The following CGNL1 variants were observed in gnomAD, a reference collection of about 807,000 sequenced individuals.
CGNL1 encodes the protein cingulin like 1.
CGNL1 carries 132 observed loss-of-function variants against 141.2 expected under a neutral mutation model. That is an observed-to-expected ratio of 0.93 (90% CI 0.81 to 1.08). CGNL1 has a LOEUF of 1.08. Ranked by LOEUF, CGNL1 falls within the 50% of genes least tolerant of loss-of-function variation. The pLI, the probability that CGNL1 is intolerant of heterozygous loss-of-function variation, is 0.00. For synonymous variants in CGNL1, 690 were observed against 622.1 expected (o/e 1.11, Z -1.63); for missense variants, 1,870 against 1,588.6 (o/e 1.18, Z -3.01).
intron 1 of CGNL1, chr15:57,397,229 C>G (rs554496871): frequency 6.6e-6 from 1 of 152,370 alleles, no homozygotes; most frequent in Admixed American, 6.5e-5. Flanking sequence ...TCAAAGAGCC[C>G]TGGAGTCCAT....
intron 4 of CGNL1, among the ~76,000 whole-genome samples, chr15:57,446,700 C>T (rs1386252525): frequency 1.4e-5 from 2 of 140,720 alleles, no homozygotes; most frequent in Admixed American, 7.2e-5. Flanking sequence ...CACACTCACT[C>T]ATTTCTCTTG....
chr15:57,381,213 C>T (rs1179073616), intron 1 of CGNL1, among the ~76,000 whole-genome samples: 1 of 152,150 alleles, frequency 6.6e-6, no homozygotes. Context: ...GCAGTGACCT[C>T]ATTTTACATA....
chr15:57,440,343 T>C lies in CGNL1; in HGVS notation c.1603-34T>C, dbSNP rs2063170548. 5.3e-6 allele frequency: 8 copies of C among 1,522,446 alleles called. No homozygotes were observed. In the African/African-American group the frequency reaches 9.6e-5, roughly 18 times the overall value. 94.3% of individuals were successfully genotyped at this position (1,522,446 alleles called of 1,614,324 possible). ...TGTTTGGAAGCCTCTGGGAACTTCATCCTCATGGTCTAACAACAGGCCTTA... is the reference window on the plus strand; with the variant it reads ...TGTTTGGAAGCCTCTGGGAACTTCACCCTCATGGTCTAACAACAGGCCTTA... On this transcript the variant is annotated intron_variant, in intron 2 of 18. Transcript: ENST00000281282.
intron 1 of CGNL1, among the ~76,000 whole-genome samples, chr15:57,403,261 T>C (rs1025268043): frequency 2.6e-5 from 4 of 151,514 alleles, no homozygotes; most frequent in African/African-American, 9.8e-5. Flanking sequence ...ACGCCCCTCT[T>C]TGGGGCCCAG....
intron 12 of CGNL1, 109 bp from the exon 13 acceptor site, chr15:57,528,545 G>C (rs1342520903): frequency 9.3e-7 from 1 of 1,077,016 alleles, no homozygotes; most frequent in Admixed American, 2.1e-5. Flanking sequence ...CCATATTGTG[G>C]GAGTCCAGCT....
At chr15:57,400,240 G>A (rs1030398112) in intron 1 of CGNL1, among the ~76,000 whole-genome samples, 39 of 152,064 alleles carry the variant, frequency 2.6e-4, no homozygotes, top group African/African-American at 9.2e-4. Flanking sequence ...CCTCAGGCCC[G>A]CCTCGGCCTC....
In CGNL1 at chr15:57,549,669, G is replaced by A. The variant is rs745538377; in HGVS notation, c.*2179G>A. On this transcript the variant is annotated 3_prime_UTR_variant, in exon 19 of 19. Coordinates refer to ENST00000281282, the MANE Select transcript of CGNL1 (RefSeq NM_032866.5). Reference sequence around the variant, plus strand: ...AGTCCTTGGCACACAGAATACAGCAGTGAATTAAACAGGCAAAAATTCCTC... The same window carrying A: ...AGTCCTTGGCACACAGAATACAGCAATGAATTAAACAGGCAAAAATTCCTC... 21 of 152,188 alleles carry A rather than the reference G, an allele frequency of 1.4e-4. No individual in the cohort carries two copies. The highest frequency in any genetic ancestry group is 2.4e-4 in the Non-Finnish European group (16 of 68,040). The allele number at this position is 152,188 out of a possible 1,614,324, so 9.4% of individuals were successfully genotyped here. A position where few individuals can be genotyped will look rare whatever the true frequency, so the allele number is the denominator to read the frequency against.
rs755799852 is a variant in CGNL1, at chr15:57,439,451, G to C, written c.1452G>C (p.Ala484=). ...EGSQESTVIR[A]PSLGAQSKKE... ...GTCAGGAAAGTACAGTGATCCGTGC[G>C]CCCTCCCTTGGTGCACAGAGTAAAA... is the stretch of plus-strand genomic sequence containing the variant. The change falls in exon 2 of 19, where the codon GCG becomes GCC. Residue 484 remains alanine (A), a synonymous_variant. Transcript: ENST00000281282. 4.3e-6 allele frequency: 7 copies of C among 1,614,186 alleles called. No homozygotes were observed. The highest frequency in any genetic ancestry group is 5.9e-6 in the Non-Finnish European group (7 of 1,180,036).
rs2032939172 is a variant in CGNL1 at position 57,547,597 on chromosome 15, G to A, written c.*107G>A. On this transcript the variant is annotated 3_prime_UTR_variant, in exon 19 of 19. Transcript: ENST00000281282. ...CTGTCTGCCACTGAGACCAATCACA[G>A]CCTCTTTGCACAGCATGCCAGCTCC... is the stretch of plus-strand genomic sequence containing the variant. 3 of 1,299,998 alleles carry A rather than the reference G, an allele frequency of 2.3e-6. No homozygotes were observed. The highest frequency in any genetic ancestry group is 1.5e-5 in the African/African-American group (1 of 67,860). 80.5% of individuals were successfully genotyped at this position (1,299,998 alleles called of 1,614,324 possible).
At chr15:57,500,139 A>G (rs1435516089) in intron 8 of CGNL1, among the ~76,000 whole-genome samples, 1 of 152,028 alleles carries the variant, frequency 6.6e-6, no homozygotes, top group Non-Finnish European at 1.5e-5. Context: ...TGGGGTTGAG[A>G]AGGAAGTGTG....
Position 57,453,706 on chromosome 15 carries a change from G to C in CGNL1, c.2078G>C (p.Arg693Pro), listed in dbSNP as rs747843914. 2.5e-6 allele frequency: 4 copies of C among 1,613,866 alleles called. No individual in the cohort carries two copies. The highest frequency in any genetic ancestry group is 3.4e-6 in the Non-Finnish European group (4 of 1,179,890). ...LEELFQVKMEREQHQTEIRDL... is the reference protein window; with the variant it reads ...LEELFQVKMEPEQHQTEIRDL... ...AGGCTATTCCAGGTGAAGATGGAAC[G>C]GGAGCAGCATCAGACTGAGATCAGG... Residue 693 changes from arginine (R) to proline (P), a missense_variant, in exon 7 of 19, where the codon CGG (arginine) becomes CCG (proline). Transcript: ENST00000281282.
At chr15:57,422,108 T>TAAAACA (rs3051145) in intron 1 of CGNL1, among the ~76,000 whole-genome samples, 150,617 of 151,604 alleles carry the variant, frequency 0.99, 74,826 homozygotes, top group Middle Eastern at 1. Flanking sequence ...TATGGGTGAT[T>TAAAACA]AAAACAAAAA....
rs146782617 is a variant in CGNL1, at chr15:57,452,146, A to G, written c.1911A>G (p.Gln637=). Residue 637 remains glutamine (Q), a synonymous_variant, in exon 6 of 19, where the codon CAA becomes CAG. Coordinates refer to ENST00000281282, the MANE Select transcript of CGNL1 (RefSeq NM_032866.5). ...QRQLQLEVKN[Q]QNIKEERERM... is the part of the protein sequence containing the mutation. ...ATCACACTGATTCCTGTTAGAATCAACAGAACATTAAAGAAGAGAGAGAGA... is the reference window on the plus strand; with the variant it reads ...ATCACACTGATTCCTGTTAGAATCAGCAGAACATTAAAGAAGAGAGAGAGA... The G allele has an allele frequency of 4.3e-4, 688 of 1,612,736 alleles. 6 individuals are homozygous for G. In the African/African-American group the frequency reaches 8.5e-3, roughly 20 times the overall value.
At chr15:57,493,930 A>G (rs2063901508) in intron 8 of CGNL1, among the ~76,000 whole-genome samples, 1 of 152,244 alleles carries the variant, frequency 6.6e-6, no homozygotes, top group Admixed American at 6.5e-5. Context: ...AGCAAGACAT[A>G]GTCCAGATCC....
rs868646986 is a variant in CGNL1, at chr15:57,439,098, C to T, written c.1099C>T (p.Gln367Ter). ...AAAATTTGATCAAAAACCTGGGCTT[C>T]AGAGAAGAGGAAGGTCTGGGAAGCG... ...IEKFDQKPGL[Q>*]RRGRSGKRNR... is the part of the protein sequence containing the mutation. Residue 367 changes from glutamine to a stop codon, truncating the protein, a stop_gained, in exon 2 of 19, where the codon CAG (glutamine) becomes TAG (stop). Transcript: ENST00000281282. LOFTEE classifies it high-confidence loss of function. 1 of 1,614,188 alleles carries T rather than the reference C, an allele frequency of 6.2e-7. No homozygotes were observed. The highest frequency in any genetic ancestry group is 8.5e-7 in the Non-Finnish European group (1 of 1,180,044).
chr15:57,383,549 C>T (rs905709972), intron 1 of CGNL1, among the ~76,000 whole-genome samples: 5 of 151,866 alleles, frequency 3.3e-5, no homozygotes, highest in Admixed American at 6.6e-5. Flanking sequence ...CCGCCTGCCT[C>T]AGCCTCCCAA....
At chr15:57,421,519 A>G (rs183602385) in intron 1 of CGNL1, among the ~76,000 whole-genome samples, 374 of 152,236 alleles carry the variant, frequency 2.5e-3, no homozygotes, top group African/African-American at 8.7e-3. Context: ...CTCCAGGTTA[A>G]GGGTCTGACA....
intron 1 of CGNL1, among the ~76,000 whole-genome samples, chr15:57,388,928 T>C (rs747103484): frequency 6.6e-6 from 1 of 152,186 alleles, no homozygotes; most frequent in African/African-American, 2.4e-5. Flanking sequence ...AAATTTGTCT[T>C]TTTCCATTGT....
In CGNL1 at chr15:57,528,820, G is replaced by C; in HGVS notation, c.3201+5G>C. The C allele has an allele frequency of 1.2e-6, 2 of 1,613,206 alleles. No homozygotes were observed. Among genetic ancestry groups the C allele is most frequent in the Non-Finnish European group, 1.7e-6 (2 of 1,179,744 alleles). The stretch of plus-strand genomic sequence containing the variant: ...AGGCTGGTCAAGCAGATGGAGGTCT[G>C]TGGGCCGTACAGTGTGAGCTGGGGG... On this transcript the variant is annotated splice_donor_5th_base_variant and intron_variant, in intron 13 of 18. Coordinates refer to ENST00000281282, the MANE Select transcript of CGNL1 (RefSeq NM_032866.5).
Sources: gnomAD v4.1 joint callset for allele counts (sites outside exome capture counted in the v4.1 genomes callset) on GRCh38, gnomAD v4.1.1 for gene constraint, MANE v1.5 for transcripts, NCBI Gene and HGNC (gene_info 2026-07-23, HGNC 2026-07-21) for gene names.